Variants in CACNA1E observed in about 807,000 individuals in gnomAD.
CACNA1E encodes calcium voltage-gated channel subunit alpha1 E, also known as voltage-dependent R-type calcium channel subunit alpha-1E.
A neutral mutation model predicts 259.2 loss-of-function variants in CACNA1E; 40 were observed. The ratio of observed to expected loss-of-function variants is 0.15; its 90% CI spans 0.12 to 0.20. The LOEUF is 0.20. Among genes scored for constraint, CACNA1E ranks in the 10% least tolerant of loss-of-function variants. The pLI is 1.00. For synonymous variants in CACNA1E, 1,104 were observed against 1,138.5 expected (o/e 0.97, Z 0.61); for missense variants, 1,874 against 3,040.1 (o/e 0.62, Z 9.02).
intron 3 of CACNA1E, among the ~76,000 whole-genome samples, chr1:181,515,955 T>C (rs1666551555): frequency 6.6e-6 from 1 of 152,116 alleles, no homozygotes; most frequent in Non-Finnish European, 1.5e-5. Context: ...TAAAGAGGGA[T>C]TGTCTGTTCC....
chr1:181,327,731 C>A (rs1329939819), intron 1 of CACNA1E, among the ~76,000 whole-genome samples: 1 of 152,208 alleles, frequency 6.6e-6, no homozygotes, highest in Non-Finnish European at 1.5e-5. Context: ...ATGATCAGAC[C>A]AGCTGAGTCC....
chr1:181,373,466 G>T (rs1390064575), intron 1 of CACNA1E, among the ~76,000 whole-genome samples: 1 of 151,752 alleles, frequency 6.6e-6, no homozygotes, highest in African/African-American at 2.4e-5. Context: ...TATTGCTGTG[G>T]GGTTGATGGT....
Position 181,483,832 on chromosome 1 carries a change from G to A in CACNA1E, c.88G>A (p.Val30Met). The A allele has an allele frequency of 6.2e-7, 1 of 1,613,628 alleles. No individual in the cohort carries two copies. Among genetic ancestry groups the A allele is most frequent in the Non-Finnish European group, 8.5e-7 (1 of 1,179,742 alleles). ...DQSRNRQGTPVPASGQAAAYK... is the reference protein window; with the variant it reads ...DQSRNRQGTPMPASGQAAAYK... ...GAGCAGGAACCGGCAAGGAACCCCC[G>A]TGCCGGCCTCGGGGCAGGCGGCCGC... Residue 30 changes from valine (V) to methionine (M), a missense_variant, in exon 1 of 48, where the codon GTG becomes ATG. Around this residue, in one of 14 missense-constraint regions of CACNA1E, gnomAD observed 110 missense variants for 122.8 expected, o/e 0.90. Coordinates refer to ENST00000367573, the MANE Select transcript of CACNA1E (RefSeq NM_001205293.3).
At chr1:181,481,513 G>C (rs1326325637), upstream of CACNA1E, among the ~76,000 whole-genome samples, 1 of 152,218 alleles carries the variant, frequency 6.6e-6, no homozygotes, top group Admixed American at 6.5e-5. Context: ...CTTCACAGGC[G>C]TGAAGCCATA....
chr1:181,411,887 GGCGTGA>G (rs1246327336), intron 1 of CACNA1E, among the ~76,000 whole-genome samples: 2 of 152,254 alleles, frequency 1.3e-5, no homozygotes, highest in Non-Finnish European at 1.5e-5. Context: ...TGGGATTATA[GGCGTGA>G]GCCACTGCGC....
chr1:181,555,454 T>G (rs144369230), intron 3 of CACNA1E, among the ~76,000 whole-genome samples: 1 of 152,358 alleles, frequency 6.6e-6, no homozygotes, highest in Non-Finnish European at 1.5e-5. Flanking sequence ...GAGTTCTGTT[T>G]TCTTCTTTTT....
intron 43 of CACNA1E, among the ~76,000 whole-genome samples, chr1:181,787,490 C>A (rs1179039940): frequency 6.6e-6 from 1 of 152,162 alleles, no homozygotes; most frequent in African/African-American, 2.4e-5. Context: ...ACAAATTAAC[C>A]CACCACCATA....
At chr1:181,741,161 A>G (rs539747334) in intron 25 of CACNA1E, among the ~76,000 whole-genome samples, 10 of 152,348 alleles carry the variant, frequency 6.6e-5, no homozygotes, top group African/African-American at 2.4e-4. Flanking sequence ...ATAGAAGCAT[A>G]TAGGAAAGAA....
chr1:181,730,745 G>C (rs1351365112), intron 18 of CACNA1E, among the ~76,000 whole-genome samples: 1 of 152,228 alleles, frequency 6.6e-6, no homozygotes, highest in Non-Finnish European at 1.5e-5. Context: ...TCATGAGCTG[G>C]GGAGCCACAC....
chr1:181,749,245 C>T (rs1423729446), intron 25 of CACNA1E, among the ~76,000 whole-genome samples: 1 of 152,148 alleles, frequency 6.6e-6, no homozygotes, highest in Non-Finnish European at 1.5e-5. Context: ...CAACTAAGAA[C>T]CAAAGCCTGA....
chr1:181,405,274 G>T (rs1443968198), intron 1 of CACNA1E, among the ~76,000 whole-genome samples: 2 of 152,234 alleles, frequency 1.3e-5, no homozygotes, highest in Non-Finnish European at 2.9e-5. Flanking sequence ...TGATACTTGA[G>T]AAATGTTTTG....
chr1:181,638,197 AC>A (rs1657414849), intron 6 of CACNA1E, among the ~76,000 whole-genome samples: 1 of 152,226 alleles, frequency 6.6e-6, no homozygotes, highest in Non-Finnish European at 1.5e-5. Context: ...TGGCTGTTGT[AC>A]AACTAGCCAG....
At position 181,733,702 on chromosome 1, in the gene CACNA1E, G is replaced by A. The variant is rs553844010; in HGVS notation, c.3214G>A (p.Val1072Ile). 8.2e-6 allele frequency: 13 copies of A among 1,593,898 alleles called. No homozygotes were observed. Among genetic ancestry groups the A allele is most frequent in the African/African-American group, 4.0e-5 (3 of 74,136 alleles). Residue 1072 changes from valine to isoleucine, a missense_variant, in exon 21 of 48, where the codon GTC becomes ATC. Coordinates refer to ENST00000367573, the MANE Select transcript of CACNA1E (RefSeq NM_001205293.3). ...CACCACCGAGAGCACCAGCGTCACC[G>A]TCGCCATCCCCGACGTGGACCCCTT... ...KATTESTSVT[V>I]AIPDVDPLVD...
At chr1:181,647,617 CT>C (rs1478505489) in intron 6 of CACNA1E, among the ~76,000 whole-genome samples, 1 of 152,158 alleles carries the variant, frequency 6.6e-6, no homozygotes, top group South Asian at 2.1e-4. Flanking sequence ...GTTGCTGCTG[CT>C]TTTTTAATCT....
intron 2 of CACNA1E, among the ~76,000 whole-genome samples, chr1:181,419,733 C>A (rs901964020): frequency 1.3e-5 from 2 of 152,198 alleles, no homozygotes; most frequent in African/African-American, 4.8e-5. Flanking sequence ...GATATCCATT[C>A]TAATCAGCTA....
intron 6 of CACNA1E, among the ~76,000 whole-genome samples, chr1:181,625,225 G>A (rs537585723): frequency 6.6e-6 from 1 of 152,128 alleles, no homozygotes; most frequent in Admixed American, 6.5e-5. Context: ...AATGGCCAAT[G>A]AACATTGGCT....
chr1:181,536,955 C>T (rs966740481), intron 3 of CACNA1E, among the ~76,000 whole-genome samples: 6 of 152,078 alleles, frequency 3.9e-5, no homozygotes, highest in African/African-American at 1.4e-4. Context: ...GTATTCAAAC[C>T]ATCACCCTGT....
intron 3 of CACNA1E, among the ~76,000 whole-genome samples, chr1:181,560,583 C>A (rs1315053403): frequency 1.3e-5 from 2 of 152,166 alleles, no homozygotes; most frequent in Non-Finnish European, 2.9e-5. Context: ...CCATACTTTG[C>A]TCAACCATTC....
At position 181,511,603 on chromosome 1, in the gene CACNA1E, A is replaced by G. The variant is rs113734543; in HGVS notation, c.512+93A>G. 5.0e-6 allele frequency: 7 copies of G among 1,407,308 alleles called. No homozygotes were observed. The African/African-American group carries it at 5.7e-5, about 11-fold the overall frequency. The allele number at this position is 1,407,308 out of a possible 1,614,324, so 87.2% of individuals were successfully genotyped here. ...GGCAGGGAACCTGGGGTGGAAAGAC[A>G]GCAATCTGTAGAGTAGGGGCAGAAG... On this transcript the variant is annotated intron_variant, in intron 3 of 47. Transcript: ENST00000367573.
Sources: allele counts gnomAD v4.1 joint callset (sites outside exome capture counted in the v4.1 genomes callset), GRCh38; gene constraint gnomAD v4.1.1; regional missense constraint gnomAD v4.1.1; transcripts MANE v1.5; gene names NCBI Gene and HGNC (gene_info 2026-07-23, HGNC 2026-07-21).